LEPR: variants seen among roughly 807,000 people sequenced by gnomAD.
LEPR encodes the protein OB receptor.
Under a neutral mutation model 114.7 loss-of-function variants are expected in LEPR, and 56 were observed. That is an observed-to-expected ratio of 0.49 (90% CI 0.39 to 0.61). LEPR has a LOEUF of 0.61. Ranked by LOEUF, LEPR falls within the 20% of genes least tolerant of loss-of-function variation. The pLI is 0.00. For missense variants in LEPR, 1,202 were observed against 1,352.9 expected (o/e 0.89, Z 1.75); for synonymous variants, 443 against 461.4 (o/e 0.96, Z 0.51).
At chr1:65,523,151 G>A (rs1482711955) in intron 2 of LEPR, among the ~76,000 whole-genome samples, 1 of 152,128 alleles carries the variant, frequency 6.6e-6, no homozygotes, top group Non-Finnish European at 1.5e-5. Flanking sequence ...CATTTAGGAT[G>A]CATTTCTGTA....
At chr1:65,552,399 G>T (rs1173156958) in intron 2 of LEPR, among the ~76,000 whole-genome samples, 1 of 152,118 alleles carries the variant, frequency 6.6e-6, no homozygotes, top group East Asian at 1.9e-4. Flanking sequence ...CCTGTATTGG[G>T]TGCATATATT....
In LEPR at chr1:65,601,536, A is replaced by G. The variant is rs751025808; in HGVS notation, c.1139A>G (p.Gln380Arg). The G allele has an allele frequency of 1.9e-6, 3 of 1,613,726 alleles. No individual in the cohort carries two copies. Among genetic ancestry groups the G allele is most frequent in the African/African-American group, 2.7e-5 (2 of 74,928 alleles). ...MNLAEKIPQS[Q>R]YDVVSDHVSK... is the part of the protein sequence containing the mutation. Reference sequence around the variant, plus strand: ...TTAGCTGAGAAAATTCCTCAAAGCCAGTATGATGTTGTGAGTGATCATGTT... The same window carrying G: ...TTAGCTGAGAAAATTCCTCAAAGCCGGTATGATGTTGTGAGTGATCATGTT... Residue 380 changes from glutamine (Q) to arginine (R), a missense_variant, in exon 9 of 20, where the codon CAG becomes CGG. Coordinates refer to ENST00000349533, the MANE Select transcript of LEPR (RefSeq NM_002303.6).
At chr1:65,564,886 A>T (rs1180125055) in intron 2 of LEPR, among the ~76,000 whole-genome samples, 1 of 152,194 alleles carries the variant, frequency 6.6e-6, no homozygotes, top group Non-Finnish European at 1.5e-5. Context: ...AGTACAAATA[A>T]TCATATTTGT....
intron 2 of LEPR, among the ~76,000 whole-genome samples, chr1:65,461,915 G>A (rs1384107532): frequency 6.6e-6 from 1 of 152,034 alleles, no homozygotes; most frequent in Admixed American, 6.5e-5. Context: ...AAATCATCAG[G>A]CATCTCCCAG....
intron 5 of LEPR, among the ~76,000 whole-genome samples, chr1:65,589,967 GA>G (rs1183695146): frequency 6.6e-6 from 1 of 151,896 alleles, no homozygotes; most frequent in African/African-American, 2.4e-5. Flanking sequence ...ATAGCCTGTT[GA>G]GATTGTGAGT....
chr1:65,525,441 G>A (rs1414670242), intron 2 of LEPR, among the ~76,000 whole-genome samples: 2 of 152,098 alleles, frequency 1.3e-5, no homozygotes, highest in African/African-American at 4.8e-5. Flanking sequence ...CCCCAGCGCC[G>A]GGTCTCTCCT....
At position 65,430,362 on chromosome 1, in the gene LEPR, C is replaced by A. The variant is rs558224484; in HGVS notation, c.-21+4984C>A. The stretch of plus-strand genomic sequence containing the variant: ...CAGTAATCCACAGATACTATGCTAG[C>A]AGTACTTTTCTAGTTGCAAGATGAA... On this transcript the variant is annotated intron_variant, in intron 2 of 19. Coordinates refer to ENST00000349533, the MANE Select transcript of LEPR (RefSeq NM_002303.6). 9.4e-5 allele frequency: 19 copies of A among 201,370 alleles called. No individual in the cohort carries two copies. The South Asian group carries it at 3.6e-3, about 38-fold the overall frequency. 12.5% of individuals were successfully genotyped at this position (201,370 alleles called of 1,614,324 possible). A position where few individuals can be genotyped will look rare whatever the true frequency, so the allele number is the denominator to read the frequency against.
chr1:65,536,156 A>T (rs984807398), intron 2 of LEPR, among the ~76,000 whole-genome samples: 6 of 152,294 alleles, frequency 3.9e-5, no homozygotes, highest in Admixed American at 2.0e-4. Flanking sequence ...AGATCCCCAA[A>T]GAGTGGCTTG....
At chr1:65,583,987 T>G (rs1271427522) in intron 5 of LEPR, among the ~76,000 whole-genome samples, 5 of 152,140 alleles carry the variant, frequency 3.3e-5, no homozygotes, top group Admixed American at 2.0e-4. Flanking sequence ...ATTTGGGCAT[T>G]TAGAATAATG....
intron 2 of LEPR, among the ~76,000 whole-genome samples, chr1:65,552,591 C>G (rs1163181308): frequency 1.3e-5 from 2 of 152,042 alleles, no homozygotes; most frequent in African/African-American, 4.8e-5. Flanking sequence ...TTATTTTGAG[C>G]CTATGTGTCT....
chr1:65,623,881 T>C, intron 19 of LEPR, among the ~76,000 whole-genome samples: 1 of 152,208 alleles, frequency 6.6e-6, no homozygotes, highest in East Asian at 1.9e-4. Flanking sequence ...ATACCTTTAC[T>C]GTTCCCATCC....
At chr1:65,592,104 T>C (rs1354760427) in intron 5 of LEPR, among the ~76,000 whole-genome samples, 1 of 151,982 alleles carries the variant, frequency 6.6e-6, no homozygotes, top group Non-Finnish European at 1.5e-5. Flanking sequence ...CCAAGCTTGG[T>C]ACTAATGCCA....
chr1:65,613,763 A>AT (rs1657340538), intron 14 of LEPR, among the ~76,000 whole-genome samples: 1 of 95,644 alleles, frequency 1.0e-5, no homozygotes. Flanking sequence ...CCGTCTCAAA[A>AT]AAAAAAAAAA....
intron 1 of LEPR, among the ~76,000 whole-genome samples, chr1:65,421,156 T>C (rs373590979): frequency 9.8e-5 from 15 of 152,346 alleles, no homozygotes; most frequent in Admixed American, 3.3e-4. Context: ...GTTCTTAGCA[T>C]TGGGAAACTT....
chr1:65,475,905 G>A (rs1358444628), intron 2 of LEPR, among the ~76,000 whole-genome samples: 3 of 151,534 alleles, frequency 2.0e-5, no homozygotes, highest in African/African-American at 7.3e-5. Flanking sequence ...AATCCCTGCT[G>A]CTCGGGAGGC....
At chr1:65,546,239 A>C (rs1451317813) in intron 2 of LEPR, among the ~76,000 whole-genome samples, 1 of 151,904 alleles carries the variant, frequency 6.6e-6, no homozygotes, top group African/African-American at 2.4e-5. Flanking sequence ...AGTCAGGTAG[A>C]GTGATGCCTC....
At chr1:65,440,988 G>A (rs942341495) in intron 2 of LEPR, among the ~76,000 whole-genome samples, 2 of 152,178 alleles carry the variant, frequency 1.3e-5, no homozygotes, top group East Asian at 1.9e-4. Flanking sequence ...CTGAAGCAAC[G>A]AGAGTGAATC....
Position 65,456,302 on chromosome 1 carries a change from C to T in LEPR, c.-21+30924C>T, listed in dbSNP as rs137975790. On this transcript the variant is annotated intron_variant, in intron 2 of 19. Transcript: ENST00000349533. ...CTGTTCCTATTCGGCCATCTTGGCT[C>T]CTCCCCCCATAGATGTTAATTATAT... is the stretch of plus-strand genomic sequence containing the variant. Among the ~76,000 whole-genome samples, 752 of 152,088 alleles carry T rather than the reference C, an allele frequency of 4.9e-3. 8 individuals are homozygous for T. The highest frequency in any genetic ancestry group is 0.017 in the African/African-American group (725 of 41,522).
chr1:65,550,333 G>A (rs535311477), intron 2 of LEPR, among the ~76,000 whole-genome samples: 2 of 152,212 alleles, frequency 1.3e-5, no homozygotes, highest in Non-Finnish European at 2.9e-5. Context: ...GAGAACCACT[G>A]CTCTCTTCAA....
Sources: allele counts gnomAD v4.1 joint callset (sites outside exome capture counted in the v4.1 genomes callset), GRCh38; gene constraint gnomAD v4.1.1; transcripts MANE v1.5; gene names NCBI Gene and HGNC (gene_info 2026-07-23, HGNC 2026-07-21).